The following KDM6A variants were observed in gnomAD, a reference collection of about 807,000 sequenced individuals.
The protein encoded by KDM6A is lysine-specific demethylase 6A.
Under a neutral mutation model 117.6 loss-of-function variants are expected in KDM6A, and 11 were observed. The observed-to-expected ratio is 0.09, with a 90% CI of 0.06 to 0.15. The LOEUF is 0.15. KDM6A is among the 10% of genes least tolerant of loss of function. The probability of loss-of-function intolerance (pLI) is 1.00; values close to 1 mark genes in which losing one functional copy is unlikely to be tolerated. For synonymous variants in KDM6A, 384 were observed against 396.1 expected, an observed-to-expected ratio of 0.97 and a Z score of 0.36; for missense variants, 799 against 1,077.3, an observed-to-expected ratio of 0.74 and a Z score of 3.62.
At chrX:44,925,313 GTCGGAAC>G (rs2036240663) in intron 2 of KDM6A, among the ~76,000 whole-genome samples, 1 of 111,156 alleles carries the variant, frequency 9.0e-6, no homozygotes, top group Non-Finnish European at 1.9e-5. Flanking sequence ...TTGCCTTTGT[GTCGGAAC>G]TCTCTCCATG....
intron 17 of KDM6A, among the ~76,000 whole-genome samples, chrX:45,068,564 A>T (rs1232292781): frequency 3.1e-5 from 3 of 95,374 alleles, no homozygotes; most frequent in African/African-American, 1.4e-4. Context: ...TTTTTTTTAA[A>T]AAAAAAAAAA....
chrX:45,038,096 A>G (rs1444195439), intron 8 of KDM6A, among the ~76,000 whole-genome samples: 3 of 110,619 alleles, frequency 2.7e-5, no homozygotes, highest in Non-Finnish European at 5.7e-5. Flanking sequence ...GGTGGCAAGC[A>G]CCTGTAATCC....
intron 2 of KDM6A, 127 bp downstream of exon 2, chrX:44,874,114 A>G (rs919461952): frequency 5.0e-5 from 30 of 599,335 alleles, no homozygotes; most frequent in Middle Eastern, 4.1e-4. Flanking sequence ...TCCGGAAACT[A>G]TTTCCTGCCT....
intron 4 of KDM6A, among the ~76,000 whole-genome samples, chrX:44,980,957 T>C (rs1396211121): frequency 9.1e-6 from 1 of 110,336 alleles, no homozygotes; most frequent in African/African-American, 3.3e-5. Context: ...CTTCTGTTGC[T>C]AGTTTACTTC....
chrX:45,032,033 TA>T lies in KDM6A; in HGVS notation c.565-2887del, dbSNP rs201035767. Among the ~76,000 whole-genome samples, 387 of 104,784 alleles carry T rather than the reference TA, an allele frequency of 3.7e-3. 4 individuals are homozygous for T. The highest frequency in any genetic ancestry group is 0.014 in the East Asian group (49 of 3,403). The allele number at this position is 104,784 out of a possible 115,157, so 91.0% of individuals were successfully genotyped here. Reference sequence around the variant, plus strand: ...CATAAAAAGAAAATCTCTATAACATTAAAAAAAAAAAGTCATAAGTAAATCT... The same window carrying T: ...CATAAAAAGAAAATCTCTATAACATTAAAAAAAAAAGTCATAAGTAAATCT... On this transcript the variant is annotated intron_variant, in intron 6 of 29. Transcript: ENST00000611820.
chrX:45,013,919 T>C (rs1347420417), intron 5 of KDM6A, among the ~76,000 whole-genome samples: 1 of 112,009 alleles, frequency 8.9e-6, no homozygotes, highest in Non-Finnish European at 1.9e-5. Context: ...AAAACTACTT[T>C]TGTGTTTTAT....
chrX:44,881,157 G>T (rs1234648067), intron 2 of KDM6A, among the ~76,000 whole-genome samples: 1 of 112,499 alleles, frequency 8.9e-6, no homozygotes, highest in Non-Finnish European at 1.9e-5. Context: ...AACCTGGGCC[G>T]GGCGCGGTGG....
Position 45,063,635 on chromosome X carries a change from A to G in KDM6A, c.1897A>G (p.Thr633Ala), listed in dbSNP as rs34922269. ...PFSAGHVPCS[T>A]SRTLGSTDTI... The stretch of plus-strand genomic sequence containing the variant: ...TTCTGCAGGCCATGTTCCCTGTAGC[A>G]CATCAAGAACGCTGGGAAGTACAGA... Residue 633 changes from threonine to alanine, a missense_variant, in exon 17 of 30, where the codon ACA becomes GCA. Physicochemically the swap from Thr to Ala is moderately conservative, Grantham distance 58. Transcript: ENST00000611820. 1.1e-3 allele frequency: 1,374 copies of G among 1,208,652 alleles called. 9 individuals are homozygous for G. The African/African-American group carries it at 0.021, about 18-fold the overall frequency.
chrX:45,021,888 A>G (rs1327355130), intron 6 of KDM6A, among the ~76,000 whole-genome samples: 1 of 112,008 alleles, frequency 8.9e-6, no homozygotes, highest in Non-Finnish European at 1.9e-5. Context: ...TTAGAGTAGT[A>G]GCATTTCTGA....
chrX:44,873,908 G>A lies in KDM6A; in HGVS notation c.162-16G>A. 1 of 1,208,821 alleles carries A rather than the reference G, an allele frequency of 8.3e-7. No homozygotes were observed. Among genetic ancestry groups the A allele is most frequent in the Non-Finnish European group, 1.1e-6 (1 of 892,762 alleles). On this transcript the variant is annotated splice_polypyrimidine_tract_variant and intron_variant, in intron 1 of 29. Transcript: ENST00000611820. ...TTCCCTGAGCGTTAACGAGTAAACTGTGTCTGTCTCCACAGCCGCCTCTTT... is the reference window on the plus strand; with the variant it reads ...TTCCCTGAGCGTTAACGAGTAAACTATGTCTGTCTCCACAGCCGCCTCTTT...
chrX:45,083,549 C>G lies in KDM6A; in HGVS notation c.3530C>G (p.Thr1177Ser), dbSNP rs2148152876. Residue 1177 changes from threonine to serine, a missense_variant, in exon 24 of 30, where the codon ACC (threonine) becomes AGC (serine). By Grantham distance (58) the Thr-to-Ser change is moderately conservative. Transcript: ENST00000611820. ...AGNLLSHVGH[T>S]ILGMNTVQLY... ...AATCTTCTAAGCCATGTTGGTCATA[C>G]CATATTGGGCATGAACACAGTTCAA... The G allele has an allele frequency of 8.3e-7, 1 of 1,208,411 alleles. No homozygotes were observed. Among genetic ancestry groups the G allele is most frequent in the Non-Finnish European group, 1.1e-6 (1 of 892,617 alleles).
chrX:44,912,581 T>G (rs2146806020), intron 2 of KDM6A, among the ~76,000 whole-genome samples: 1 of 112,140 alleles, frequency 8.9e-6, no homozygotes, highest in East Asian at 2.8e-4. Context: ...TCATTTGGAT[T>G]ATCATGAATT....
intron 6 of KDM6A, among the ~76,000 whole-genome samples, chrX:45,024,205 A>G (rs12013992): frequency 0.049 from 5,433 of 110,983 alleles, 335 homozygotes; most frequent in African/African-American, 0.17. Flanking sequence ...TCTTTAAGGA[A>G]CCGCCACACT....
intron 2 of KDM6A, among the ~76,000 whole-genome samples, chrX:44,905,214 C>G (rs1268310682): frequency 1.8e-5 from 2 of 112,231 alleles, no homozygotes; most frequent in Non-Finnish European, 3.8e-5. Flanking sequence ...AATAACAGTA[C>G]CAGCACTACC....
intron 2 of KDM6A, among the ~76,000 whole-genome samples, chrX:44,885,787 G>C (rs751670445): frequency 1.8e-5 from 2 of 109,233 alleles, no homozygotes; most frequent in Admixed American, 2.0e-4. Flanking sequence ...CAGGAGAATC[G>C]CTTGAACCCA....
chrX:44,985,354 A>G (rs960982631), intron 4 of KDM6A, among the ~76,000 whole-genome samples: 4 of 111,739 alleles, frequency 3.6e-5, no homozygotes, highest in African/African-American at 1.3e-4. Context: ...TCATCTGCAA[A>G]CAGGGACAAT....
intron 8 of KDM6A, 95 bp from the exon 9 acceptor site, chrX:45,051,614 T>C (rs1046320720): frequency 1.2e-5 from 6 of 495,115 alleles, no homozygotes; most frequent in Non-Finnish European, 1.7e-5. Flanking sequence ...TTAAAAAATA[T>C]GCTAAAACAT....
chrX:44,993,293 C>A (rs1057060612), intron 4 of KDM6A, among the ~76,000 whole-genome samples: 2 of 111,538 alleles, frequency 1.8e-5, no homozygotes, highest in African/African-American at 6.5e-5. Flanking sequence ...GAAATTTTTT[C>A]ACTTAAATTT....
rs779581774 is a variant in KDM6A, at chrX:45,020,743, G to T, written c.564+13G>T. 1 of 1,202,386 alleles carries T rather than the reference G, an allele frequency of 8.3e-7. No individual in the cohort carries two copies. The highest frequency in any genetic ancestry group is 2.2e-5 in the Admixed American group (1 of 45,726). On this transcript the variant is annotated intron_variant, in intron 6 of 29. Transcript: ENST00000611820. ...GTCTAGTTTAAAGGTAGGTTGTTGG[G>T]TTTTTTCAAGATACAATGTTTAATT...
Sources: gnomAD v4.1 joint callset for allele counts (sites outside exome capture counted in the v4.1 genomes callset) on GRCh38, gnomAD v4.1.1 for gene constraint, MANE v1.5 for transcripts, NCBI Gene and HGNC (gene_info 2026-07-23, HGNC 2026-07-21) for gene names.